LNX1: variants seen among roughly 807,000 people sequenced by gnomAD.
LNX1 encodes E3 ubiquitin-protein ligase LNX.
LNX1 carries 54 observed loss-of-function variants against 68.4 expected under a neutral mutation model. That is an observed-to-expected ratio of 0.79 (90% confidence interval 0.63 to 0.99). LNX1 has a LOEUF of 0.99. Ranked by LOEUF, LNX1 falls within the 50% of genes least tolerant of loss-of-function variation. The probability of loss-of-function intolerance (pLI) is 0.00; values close to 1 mark genes in which losing one functional copy is unlikely to be tolerated. For synonymous variants in LNX1, 336 were observed against 350.0 expected (o/e 0.96, Z 0.45); for missense variants, 906 against 926.4 (o/e 0.98, Z 0.29).
chr4:53,645,769 AT>A (rs1313300542), intron 1 of LNX1, among the ~76,000 whole-genome samples: 1 of 152,186 alleles, frequency 6.6e-6, no homozygotes, highest in Non-Finnish European at 1.5e-5. Flanking sequence ...CTAGAAAAAA[AT>A]ATCAGGCATG....
chr4:53,631,580 G>A (rs2109872565), intron 1 of LNX1, among the ~76,000 whole-genome samples: 1 of 152,214 alleles, frequency 6.6e-6, no homozygotes, highest in Admixed American at 6.5e-5. Context: ...TCAAGCCAGT[G>A]GTTTTTCATG....
chr4:53,627,103 C>T (rs1322330823), intron 1 of LNX1, among the ~76,000 whole-genome samples: 3 of 152,176 alleles, frequency 2.0e-5, no homozygotes, highest in Non-Finnish European at 4.4e-5. Flanking sequence ...GGTACACTTA[C>T]TGGGTTTTCA....
intron 9 of LNX1, among the ~76,000 whole-genome samples, chr4:53,462,928 C>T (rs1722283996): frequency 1.3e-5 from 2 of 152,110 alleles, no homozygotes; most frequent in South Asian, 4.1e-4. Context: ...CATAACGGTT[C>T]ACTGACTCCT....
intron 2 of LNX1, among the ~76,000 whole-genome samples, chr4:53,614,754 T>G (rs75319249): frequency 3.3e-5 from 5 of 152,208 alleles, no homozygotes; most frequent in Non-Finnish European, 7.3e-5. Context: ...CTCCTTGATG[T>G]CAACTGAATG....
intron 2 of LNX1, among the ~76,000 whole-genome samples, chr4:53,533,764 G>A (rs777009315): frequency 6.6e-6 from 1 of 152,124 alleles, no homozygotes; most frequent in Non-Finnish European, 1.5e-5. Flanking sequence ...TAGAGGACAG[G>A]GATACTGCTA....
Position 53,462,672 on chromosome 4 carries a change from A to G in LNX1, c.1893-1079T>C, listed in dbSNP as rs530669518. On this transcript the variant is annotated intron_variant, in intron 9 of 10. Coordinates refer to ENST00000263925, the MANE Select transcript of LNX1 (RefSeq NM_001126328.3). ...TGATGTTTTCACTTGAAATAAAATGAGCTTTAGGGTTTGGCAAATACCTTT... is the reference window on the plus strand; with the variant it reads ...TGATGTTTTCACTTGAAATAAAATGGGCTTTAGGGTTTGGCAAATACCTTT... 5.9e-5 allele frequency among the ~76,000 whole-genome samples: 9 copies of G among 152,248 alleles called. No individual in the cohort carries two copies. In the South Asian group the frequency reaches 6.2e-4, roughly 11 times the overall value.
intron 9 of LNX1, among the ~76,000 whole-genome samples, chr4:53,462,332 G>A (rs1480804886): frequency 1.3e-5 from 2 of 150,214 alleles, no homozygotes; most frequent in African/African-American, 4.8e-5. Context: ...CAATGGATCA[G>A]TGTTCATATA....
chr4:53,518,138 C>T (rs1726932695), intron 2 of LNX1, among the ~76,000 whole-genome samples: 1 of 152,234 alleles, frequency 6.6e-6, no homozygotes, highest in East Asian at 1.9e-4. Context: ...CACCTGGAAT[C>T]TGTCTTGGCT....
chr4:53,635,093 G>T (rs377745098), intron 1 of LNX1, among the ~76,000 whole-genome samples: 7 of 152,120 alleles, frequency 4.6e-5, no homozygotes, highest in Non-Finnish European at 1.0e-4. Context: ...GTCTTCCAAA[G>T]TGCTGGAATA....
At chr4:53,540,211 G>T (rs146393363) in intron 2 of LNX1, among the ~76,000 whole-genome samples, 108 of 152,044 alleles carry the variant, frequency 7.1e-4, no homozygotes, top group African/African-American at 2.5e-3. Context: ...GCAAAACCCT[G>T]TCTCTAAAAA....
At chr4:53,611,593 G>A (rs1006168363) in intron 2 of LNX1, among the ~76,000 whole-genome samples, 1 of 152,138 alleles carries the variant, frequency 6.6e-6, no homozygotes, top group African/African-American at 2.4e-5. Flanking sequence ...TACTAGAACT[G>A]TCTATAAACC....
chr4:53,584,138 G>A (rs1376222144), intron 1 of LNX1, among the ~76,000 whole-genome samples: 1 of 152,144 alleles, frequency 6.6e-6, no homozygotes, highest in Non-Finnish European at 1.5e-5. Context: ...GTTTATGTGT[G>A]TATGGTTTTT....
In LNX1 at chr4:53,478,565, C is replaced by G; in HGVS notation, c.1663G>C (p.Gly555Arg). The change falls in exon 8 of 11, where the codon GGT becomes CGT. Residue 555 changes from glycine (G) to arginine (R), a missense_variant and splice_region_variant. By Grantham distance (125) the Gly-to-Arg change is moderately radical (BLOSUM62 -2). Transcript: ENST00000263925. ...VISRDGRIKT[G>R]DILLNVDGVE... ...CCTTTAAAATCCCTTTACTTTTTACCTGTTTTTATTCTTCCATCTCTGCTT... is the reference window on the plus strand; with the variant it reads ...CCTTTAAAATCCCTTTACTTTTTACGTGTTTTTATTCTTCCATCTCTGCTT... 4.4e-6 allele frequency: 7 copies of G among 1,601,662 alleles called. No individual in the cohort carries two copies. The highest frequency in any genetic ancestry group is 6.0e-6 in the Non-Finnish European group (7 of 1,172,952).
At chr4:53,550,397 T>G (rs1729419668) in intron 2 of LNX1, among the ~76,000 whole-genome samples, 1 of 152,164 alleles carries the variant, frequency 6.6e-6, no homozygotes, top group South Asian at 2.1e-4. Context: ...TCGTCCAAAT[T>G]CTACTTCAGA....
Position 53,478,467 on chromosome 4 carries a change from C to A in LNX1, c.1663+98G>T, listed in dbSNP as rs190173320. The A allele has an allele frequency of 6.1e-5, 67 of 1,093,388 alleles. No homozygotes were observed. The Admixed American group carries it at 1.4e-3, about 23-fold the overall frequency. The allele number at this position is 1,093,388 out of a possible 1,614,324, so 67.7% of individuals were successfully genotyped here. On this transcript the variant is annotated intron_variant, in intron 8 of 10. Transcript: ENST00000263925. ...CAAAAGTCCTGGCCGATCACTCCCACATTCTCTCATTAATTTTGAAAATAG... is the reference window on the plus strand; with the variant it reads ...CAAAAGTCCTGGCCGATCACTCCCAAATTCTCTCATTAATTTTGAAAATAG...
At chr4:53,640,264 G>A (rs1216507062) in intron 1 of LNX1, among the ~76,000 whole-genome samples, 3 of 152,188 alleles carry the variant, frequency 2.0e-5, no homozygotes, top group Non-Finnish European at 2.9e-5. Flanking sequence ...GCCTAACAGA[G>A]CATGGCAGTG....
At chr4:53,468,095 G>A (rs1003449439) in intron 9 of LNX1, among the ~76,000 whole-genome samples, 1 of 152,172 alleles carries the variant, frequency 6.6e-6, no homozygotes, top group Non-Finnish European at 1.5e-5. Context: ...CAGAGAGAAA[G>A]GTCGGGTTAC....
intron 2 of LNX1, among the ~76,000 whole-genome samples, chr4:53,536,949 A>T (rs1201369411): frequency 1.3e-5 from 2 of 152,250 alleles, no homozygotes; most frequent in African/African-American, 4.8e-5. Flanking sequence ...CAAAATCCAA[A>T]TATCTCTGAC....
chr4:53,559,698 A>C (rs1245079355), intron 2 of LNX1, among the ~76,000 whole-genome samples: 1 of 152,004 alleles, frequency 6.6e-6, no homozygotes, highest in Non-Finnish European at 1.5e-5. Context: ...CCCAGGCTGT[A>C]GTGCTGTGTC....
Sources: gnomAD v4.1 joint callset for allele counts (sites outside exome capture counted in the v4.1 genomes callset) on GRCh38, gnomAD v4.1.1 for gene constraint, MANE v1.5 for transcripts, NCBI Gene and HGNC (gene_info 2026-07-23, HGNC 2026-07-21) for gene names.